Variants in NEDD4L observed in about 807,000 individuals in gnomAD.
NEDD4L encodes E3 ubiquitin-protein ligase NEDD4-like.
NEDD4L carries 54 observed loss-of-function variants against 148.9 expected under a neutral mutation model. The observed-to-expected ratio is 0.36, with a 90% CI of 0.29 to 0.45. The LOEUF is 0.45. NEDD4L is among the 20% of genes least tolerant of loss of function. The probability of loss-of-function intolerance (pLI) is 1.00; values close to 1 mark genes in which losing one functional copy is unlikely to be tolerated. For missense variants in NEDD4L, 856 were observed against 1,233.8 expected, an observed-to-expected ratio of 0.69 and a Z score of 4.59; for synonymous variants, 433 against 440.7, an observed-to-expected ratio of 0.98 and a Z score of 0.22.
intron 24 of NEDD4L, among the ~76,000 whole-genome samples, chr18:58,377,924 T>C (rs1211409828): frequency 6.6e-6 from 1 of 152,198 alleles, no homozygotes; most frequent in Non-Finnish European, 1.5e-5. Context: ...TTTGTATTTT[T>C]AGTGGAGACA....
At chr18:58,174,037 C>T (rs1375034816) in intron 2 of NEDD4L, among the ~76,000 whole-genome samples, 6 of 152,194 alleles carry the variant, frequency 3.9e-5, no homozygotes, top group Non-Finnish European at 5.9e-5. Flanking sequence ...TGCCCTAGCT[C>T]ACCTGTGTTA....
intron 1 of NEDD4L, among the ~76,000 whole-genome samples, chr18:58,141,911 C>T (rs1413913977): frequency 6.6e-6 from 1 of 151,992 alleles, no homozygotes; most frequent in African/African-American, 2.4e-5. Context: ...GCTGTGAAAA[C>T]AACGCTGTTT....
At chr18:58,116,856 A>G (rs2085876542) in intron 1 of NEDD4L, among the ~76,000 whole-genome samples, 1 of 152,252 alleles carries the variant, frequency 6.6e-6, no homozygotes, top group Non-Finnish European at 1.5e-5. Context: ...TGTGAAGGAT[A>G]CAATACAGCA....
At chr18:58,115,366 G>A (rs1310508477) in intron 1 of NEDD4L, among the ~76,000 whole-genome samples, 1 of 151,646 alleles carries the variant, frequency 6.6e-6, no homozygotes, top group Non-Finnish European at 1.5e-5. Flanking sequence ...TCCTAGGGGA[G>A]ATGCAATTCC....
At chr18:58,111,767 T>C (rs2085433607) in intron 1 of NEDD4L, among the ~76,000 whole-genome samples, 1 of 152,234 alleles carries the variant, frequency 6.6e-6, no homozygotes, top group South Asian at 2.1e-4. Context: ...TTCTGCTTTT[T>C]GCTTCTATGA....
chr18:58,083,584 A>C (rs2145159203), intron 1 of NEDD4L, among the ~76,000 whole-genome samples: 1 of 152,202 alleles, frequency 6.6e-6, no homozygotes, highest in South Asian at 2.1e-4. Context: ...GCTACTCAGG[A>C]GGCTGAGGCA....
chr18:58,286,191 T>A (rs1292714067), intron 5 of NEDD4L, among the ~76,000 whole-genome samples: 2 of 152,242 alleles, frequency 1.3e-5, no homozygotes, highest in African/African-American at 4.8e-5. Context: ...TTTGTGTTAA[T>A]GTAAACGTCG....
intron 5 of NEDD4L, among the ~76,000 whole-genome samples, chr18:58,306,504 C>T (rs2057079021): frequency 6.6e-6 from 1 of 152,042 alleles, no homozygotes; most frequent in African/African-American, 2.4e-5. Flanking sequence ...TTCGGGGAGC[C>T]TGTTCATGTT....
At chr18:58,214,574 T>C (rs984825066) in intron 2 of NEDD4L, among the ~76,000 whole-genome samples, 6 of 143,292 alleles carry the variant, frequency 4.2e-5, no homozygotes, top group Admixed American at 7.0e-5. Flanking sequence ...TGCTGTCATA[T>C]AGTAAGGATT....
intron 1 of NEDD4L, among the ~76,000 whole-genome samples, chr18:58,068,241 C>G (rs1286296222): frequency 6.8e-6 from 1 of 147,678 alleles, no homozygotes; most frequent in Non-Finnish European, 1.5e-5. Flanking sequence ...GCTCTGTTGC[C>G]CAGGCTGGAG....
At chr18:58,159,081 T>C (rs1359468062) in intron 1 of NEDD4L, among the ~76,000 whole-genome samples, 1 of 151,940 alleles carries the variant, frequency 6.6e-6, no homozygotes, top group Non-Finnish European at 1.5e-5. Flanking sequence ...TATAAGGTTG[T>C]GGGACCCAAC....
At chr18:58,254,577 G>A (rs76176437) in intron 5 of NEDD4L, among the ~76,000 whole-genome samples, 13 of 115,490 alleles carry the variant, frequency 1.1e-4, no homozygotes, top group Non-Finnish European at 1.4e-4. Context: ...AAAAAAAAAA[G>A]CCCACATGCA....
At chr18:58,266,472 A>C (rs150790786) in intron 5 of NEDD4L, among the ~76,000 whole-genome samples, 156 of 152,242 alleles carry the variant, frequency 1.0e-3, no homozygotes, top group African/African-American at 3.7e-3. Flanking sequence ...GTGTCTAATT[A>C]TGTGCATATT....
At chr18:58,334,460 G>A (rs2041456091) in intron 12 of NEDD4L, among the ~76,000 whole-genome samples, 1 of 152,210 alleles carries the variant, frequency 6.6e-6, no homozygotes, top group Non-Finnish European at 1.5e-5. Context: ...TCTGATGTAT[G>A]TAAAAAGAAA....
At chr18:58,194,806 G>A (rs375548003) in intron 2 of NEDD4L, among the ~76,000 whole-genome samples, 19 of 152,306 alleles carry the variant, frequency 1.2e-4, no homozygotes, top group African/African-American at 3.4e-4. Context: ...GGTTGATTTC[G>A]GATAATACTT....
At chr18:58,204,408 G>A (rs1451500986) in intron 2 of NEDD4L, among the ~76,000 whole-genome samples, 1 of 152,120 alleles carries the variant, frequency 6.6e-6, no homozygotes, top group Admixed American at 6.6e-5. Flanking sequence ...AATAATTAAT[G>A]GTGATTTACT....
chr18:58,363,578 G>T (rs1022955395), intron 19 of NEDD4L, among the ~76,000 whole-genome samples: 5 of 152,098 alleles, frequency 3.3e-5, no homozygotes, highest in African/African-American at 1.2e-4. Flanking sequence ...TTACTCCTTT[G>T]CCTGAAGAGA....
chr18:58,099,871 C>T (rs1478926510), intron 1 of NEDD4L, among the ~76,000 whole-genome samples: 1 of 152,134 alleles, frequency 6.6e-6, no homozygotes, highest in East Asian at 1.9e-4. Flanking sequence ...GGAAAACCAG[C>T]CCCAAATAAG....
At chr18:58,229,613 A>G (rs2044826881) in intron 2 of NEDD4L, among the ~76,000 whole-genome samples, 2 of 152,186 alleles carry the variant, frequency 1.3e-5, no homozygotes, top group Admixed American at 6.5e-5. Context: ...TGTTTTCTCA[A>G]TCCTTGTTAT....
Sources: allele counts gnomAD v4.1 joint callset (sites outside exome capture counted in the v4.1 genomes callset), GRCh38; gene constraint gnomAD v4.1.1; transcripts MANE v1.5; gene names NCBI Gene and HGNC (gene_info 2026-07-23, HGNC 2026-07-21).